The following TGIF1 variants were observed in gnomAD, a reference collection of about 807,000 sequenced individuals.
TGIF1 encodes homeobox protein TGIF1.
Under a neutral mutation model 19.3 loss-of-function variants are expected in TGIF1, and 4 were observed. The observed-to-expected ratio is 0.21, with a 90% confidence interval of 0.10 to 0.47. TGIF1 has a LOEUF of 0.47. TGIF1 is among the 20% of genes least tolerant of loss of function. TGIF1 has a pLI of 0.98. For missense variants in TGIF1, 275 were observed against 341.4 expected (o/e 0.81, Z 1.53); for synonymous variants, 122 against 129.3 (o/e 0.94, Z 0.38).
At chr18:3,432,173 T>A (rs1340087471) in intron 2 of TGIF1, among the ~76,000 whole-genome samples, 1 of 143,594 alleles carries the variant, frequency 7.0e-6, no homozygotes, top group Non-Finnish European at 1.5e-5. Flanking sequence ...AGGCGAAATA[T>A]CAATTTTGTG....
At chr18:3,437,806 G>A (rs1364360582) in intron 2 of TGIF1, among the ~76,000 whole-genome samples, 1 of 152,156 alleles carries the variant, frequency 6.6e-6, no homozygotes, top group Non-Finnish European at 1.5e-5. Flanking sequence ...ACAAGTGGCC[G>A]GGCACGGTGG....
chr18:3,424,841 G>A (rs560708273), intron 2 of TGIF1, among the ~76,000 whole-genome samples: 179 of 152,268 alleles, frequency 1.2e-3, no homozygotes, highest in African/African-American at 3.4e-3. Context: ...TGCCTGGAGC[G>A]GGCACAGAAG....
In TGIF1 at chr18:3,437,119, T is replaced by A. The variant is rs914145931; in HGVS notation, c.-45+18904T>A. 3.9e-5 allele frequency among the ~76,000 whole-genome samples: 6 copies of A among 151,978 alleles called. No individual in the cohort carries two copies. In the East Asian group the frequency reaches 1.2e-3, roughly 29 times the overall value. The stretch of plus-strand genomic sequence containing the variant: ...GACTCCATCTCAAAAATAATAATAA[T>A]AATAAAATAAAATAAACCCTCAATT... On this transcript the variant is annotated intron_variant, in intron 2 of 3. Transcript: ENST00000401449.
chr18:3,415,920 C>G (rs1413104481), intron 1 of TGIF1, among the ~76,000 whole-genome samples: 4 of 152,176 alleles, frequency 2.6e-5, no homozygotes, highest in African/African-American at 9.7e-5. Context: ...TCTGTGTGGA[C>G]TTTAGAGTTT....
chr18:3,456,620 G>C lies in TGIF1; in HGVS notation c.243+40G>C, dbSNP rs752670677. ...CGTGAGGTTTATGGATGCATTTTTAGTTTCAAAGTCATTTTATGGCATTCC... is the reference window on the plus strand; with the variant it reads ...CGTGAGGTTTATGGATGCATTTTTACTTTCAAAGTCATTTTATGGCATTCC... On this transcript the variant is annotated intron_variant, in intron 2 of 2. Coordinates refer to ENST00000343820, the MANE Select transcript of TGIF1 (RefSeq NM_003244.4). The surrounding 1 kb of genome is among the most constrained non-coding windows in gnomAD (Gnocchi z 4.2). 1 of 1,582,778 alleles carries C rather than the reference G, an allele frequency of 6.3e-7. No individual in the cohort carries two copies. Among genetic ancestry groups the C allele is most frequent in the Non-Finnish European group, 8.7e-7 (1 of 1,152,980 alleles).
At chr18:3,435,570 G>A (rs1276782975) in intron 2 of TGIF1, among the ~76,000 whole-genome samples, 1 of 152,020 alleles carries the variant, frequency 6.6e-6, no homozygotes, top group African/African-American at 2.4e-5. Context: ...TTCCTCAACT[G>A]TTGCCACATA....
intron 1 of TGIF1, chr18:3,452,316 C>A (rs746439697): frequency 6.2e-7 from 1 of 1,613,024 alleles, no homozygotes; most frequent in Non-Finnish European, 8.5e-7. Context: ...GTGGGAACTT[C>A]CGCGGTCCCC....
chr18:3,423,004 T>C (rs1449455447), intron 2 of TGIF1, among the ~76,000 whole-genome samples: 2 of 152,064 alleles, frequency 1.3e-5, no homozygotes, highest in African/African-American at 4.8e-5. Context: ...TTGTCTTTTA[T>C]GCCATATTTT....
chr18:3,447,750 C>T (rs778761008), upstream of TGIF1: 75 of 1,614,044 alleles, frequency 4.6e-5, no homozygotes, highest in Non-Finnish European at 5.8e-5. Flanking sequence ...ATGACTTGCT[C>T]GGGCAAAAGT....
chr18:3,420,883 C>T (rs1485407995), intron 2 of TGIF1, among the ~76,000 whole-genome samples: 20 of 152,122 alleles, frequency 1.3e-4, no homozygotes, highest in Admixed American at 1.3e-3. Context: ...AAGAATTAGC[C>T]AGTTAGAAAG....
chr18:3,415,827 G>A (rs777728866), intron 1 of TGIF1, among the ~76,000 whole-genome samples: 16 of 152,238 alleles, frequency 1.1e-4, no homozygotes, highest in Non-Finnish European at 1.5e-4. Context: ...TACAACACCC[G>A]GTAGACACTA....
intron 2 of TGIF1, among the ~76,000 whole-genome samples, chr18:3,440,584 C>T (rs2082668630): frequency 6.6e-6 from 1 of 152,200 alleles, no homozygotes; most frequent in Non-Finnish European, 1.5e-5. Context: ...CAACTTACCA[C>T]TTTCCGCCCC....
upstream of TGIF1, among the ~76,000 whole-genome samples, chr18:3,445,673 G>A (rs1313122712): frequency 1.1e-4 from 14 of 124,500 alleles, no homozygotes; most frequent in South Asian, 5.5e-4. Context: ...GCAGTGAGCC[G>A]AGATTGCGCC....
At chr18:3,418,218 A>G (rs2082357613) in intron 2 of TGIF1, 1 of 152,164 alleles carries the variant, frequency 6.6e-6, no homozygotes, top group Non-Finnish European at 1.5e-5. Flanking sequence ...AGTCCAAGGT[A>G]AGTAGATATT....
intron 2 of TGIF1, among the ~76,000 whole-genome samples, chr18:3,441,858 A>C (rs1204589595): frequency 6.6e-6 from 1 of 152,160 alleles, no homozygotes; most frequent in East Asian, 1.9e-4. Context: ...CTCCAGCATA[A>C]AACTTTTACA....
At chr18:3,423,016 A>T (rs1361403685) in intron 2 of TGIF1, among the ~76,000 whole-genome samples, 2 of 151,788 alleles carry the variant, frequency 1.3e-5, no homozygotes, top group Non-Finnish European at 2.9e-5. Context: ...CCATATTTTT[A>T]CTATACATGT....
chr18:3,438,596 A>AACACACACACAC (rs56864804), intron 2 of TGIF1, among the ~76,000 whole-genome samples: 4,524 of 136,014 alleles, frequency 0.033, 130 homozygotes, highest in Middle Eastern at 0.077. Context: ...CATACACACA[A>AACACACACACAC]ACACACACAC....
chr18:3,415,096 G>A, intron 1 of TGIF1: 1 of 157,164 alleles, frequency 6.4e-6, no homozygotes, highest in Non-Finnish European at 1.4e-5. Context: ...TGGAGAAGAA[G>A]CCATATTTGG....
chr18:3,448,030 G>T (rs939284324), upstream of TGIF1: 3 of 983,202 alleles, frequency 3.1e-6, no homozygotes, highest in Non-Finnish European at 3.6e-6. Flanking sequence ...GGAGAACCAC[G>T]GGGAAGAGGG....
Sources: gnomAD v4.1 joint callset for allele counts (sites outside exome capture counted in the v4.1 genomes callset) on GRCh38, gnomAD v4.1.1 for gene constraint, Gnocchi (gnomAD v3.1) non-coding constraint, MANE v1.5 for transcripts, NCBI Gene and HGNC (gene_info 2026-07-23, HGNC 2026-07-21) for gene names.